PA2G4: variants seen among roughly 807,000 people sequenced by gnomAD.
PA2G4 encodes proliferation-associated 2G4.
Under a neutral mutation model 53.3 loss-of-function variants are expected in PA2G4, and 8 were observed. The observed-to-expected ratio is 0.15, with a 90% CI of 0.09 to 0.27. The LOEUF (loss-of-function observed/expected upper bound fraction) is 0.27. PA2G4 is among the 10% of genes least tolerant of loss of function. The pLI, the probability that PA2G4 is intolerant of heterozygous loss-of-function variation, is 1.00. For synonymous variants in PA2G4, 143 were observed against 169.8 expected, an observed-to-expected ratio of 0.84 and a Z score of 1.23; for missense variants, 208 against 486.8, an observed-to-expected ratio of 0.43 and a Z score of 5.39.
chr12:56,110,359 CAAAA>C, intron 7 of PA2G4, 36 bp from the exon 8 acceptor site: 13 of 1,087,908 alleles, frequency 1.2e-5, no homozygotes, highest in South Asian at 1.3e-5. Flanking sequence ...GACTCTGTGT[CAAAA>C]AAAAAAAAAA....
At chr12:56,112,179 G>A (rs761549077) in intron 12 of PA2G4, among the ~76,000 whole-genome samples, 1 of 152,094 alleles carries the variant, frequency 6.6e-6, no homozygotes, top group Non-Finnish European at 1.5e-5. Context: ...ATAGCTCACT[G>A]TATCCTCAAA....
intron 12 of PA2G4, among the ~76,000 whole-genome samples, chr12:56,112,247 C>T (rs112459410): frequency 3.7e-4 from 56 of 152,326 alleles, no homozygotes; most frequent in African/African-American, 1.3e-3. Context: ...CACCACCATG[C>T]CTGGCTCAAA....
At chr12:56,107,328 C>T in intron 4 of PA2G4, 72 bp downstream of exon 4, 1 of 1,243,944 alleles carries the variant, frequency 8.0e-7, no homozygotes, top group Non-Finnish European at 1.2e-6. Flanking sequence ...CTTCTTATCC[C>T]CACCCCCAAT....
In PA2G4 at chr12:56,113,707, C is replaced by A. The variant is rs79005435; in HGVS notation, c.*819C>A. ...TGAAAGAAAAACCAAGAACCAGAGG[C>A]GTAGACTGACTGAAGACACAACTCC... On this transcript the variant is annotated 3_prime_UTR_variant, in exon 13 of 13. Coordinates refer to ENST00000303305, the MANE Select transcript of PA2G4 (RefSeq NM_006191.3). 643 of 635,178 alleles carry A rather than the reference C, an allele frequency of 1.0e-3. 10 individuals are homozygous for A. In the East Asian group the frequency reaches 0.013, roughly 13 times the overall value. The allele number at this position is 635,178 out of a possible 1,614,324, so 39.3% of individuals were successfully genotyped here.
rs760649436 is a variant in PA2G4 at position 56,104,561 on chromosome 12, C to T, written c.-177C>T. The T allele has an allele frequency of 1.2e-5, 9 of 739,650 alleles. 1 individual carries two copies. The highest frequency in any genetic ancestry group is 1.1e-4 in the South Asian group (8 of 70,134). The allele number at this position is 739,650 out of a possible 1,614,324, so 45.8% of individuals were successfully genotyped here. A position where few individuals can be genotyped will look rare whatever the true frequency, so the allele number is the denominator to read the frequency against. On this transcript the variant is annotated 5_prime_UTR_variant, in exon 1 of 13. Coordinates refer to ENST00000303305, the MANE Select transcript of PA2G4 (RefSeq NM_006191.3). ...TGTCCCAGCGTGCCCTGCGCCTCAG[C>T]CCGCGCGCTCGCAGCTTCTCGCTCT... is the stretch of plus-strand genomic sequence containing the variant.
At position 56,104,701 on chromosome 12, in the gene PA2G4, T is replaced by G. The variant is rs779325177; in HGVS notation, c.-37T>G. ...GAAGGGAGACAGAGGCGGCGGCGGC[T>G]CAGGGGAAACGAGGCTGCAGTGGTG... On this transcript the variant is annotated 5_prime_UTR_variant, in exon 1 of 13. Transcript: ENST00000303305. 5 of 1,579,758 alleles carry G rather than the reference T, an allele frequency of 3.2e-6. No homozygotes were observed. The South Asian group carries it at 5.5e-5, about 17-fold the overall frequency.
chr12:56,107,887 G>T (rs1400554607), intron 5 of PA2G4, among the ~76,000 whole-genome samples: 2 of 151,934 alleles, frequency 1.3e-5, no homozygotes. Context: ...AAATTAGCTG[G>T]GCGTGGTAAC....
At chr12:56,108,339 A>T (rs1047613605) in intron 5 of PA2G4, among the ~76,000 whole-genome samples, 1 of 152,210 alleles carries the variant, frequency 6.6e-6, no homozygotes, top group Non-Finnish European at 1.5e-5. Flanking sequence ...TGTCTTCTAG[A>T]TTGGGATATA....
rs760050022 is a variant in PA2G4, at chr12:56,106,598, G to A, written c.99G>A (p.Arg33=). The stretch of plus-strand genomic sequence containing the variant: ...GGATTCTGTCCTCAGGGGTACTTCG[G>A]TCCTTGGTGGAAGCATCTAGCTCAG... The part of the protein sequence containing the change: ...MGGDIANRVL[R]SLVEASSSGV... The change falls in exon 2 of 13, where the codon CGG becomes CGA. Residue 33 remains arginine, a synonymous_variant. Transcript: ENST00000303305. 3.8e-6 allele frequency: 6 copies of A among 1,579,898 alleles called. No homozygotes were observed. Among genetic ancestry groups the A allele is most frequent in the African/African-American group, 1.4e-5 (1 of 72,670 alleles).
Position 56,104,734 on chromosome 12 carries a change from G to C in PA2G4, c.-4G>C. On this transcript the variant is annotated 5_prime_UTR_variant, in exon 1 of 13. Coordinates refer to ENST00000303305, the MANE Select transcript of PA2G4 (RefSeq NM_006191.3). ...AACGAGGCTGCAGTGGTGGTAGTAG[G>C]AAGATGTCGGGCGAGGACGAGCAAC... The C allele has an allele frequency of 3.7e-6, 6 of 1,613,672 alleles. No homozygotes were observed. Among genetic ancestry groups the C allele is most frequent in the Non-Finnish European group, 5.1e-6 (6 of 1,179,764 alleles).
intron 12 of PA2G4, among the ~76,000 whole-genome samples, chr12:56,112,200 G>A (rs999221314): frequency 1.3e-5 from 2 of 152,302 alleles, no homozygotes; most frequent in Non-Finnish European, 2.9e-5. Flanking sequence ...CTCCTCCTGG[G>A]TTCAAGTGAT....
At chr12:56,107,334 C>A (rs889762248) in intron 4 of PA2G4, 78 bp downstream of exon 4, 40 of 1,179,890 alleles carry the variant, frequency 3.4e-5, no homozygotes, top group Non-Finnish European at 4.6e-5. Flanking sequence ...ATCCCCACCC[C>A]CAATCACCAC....
At position 56,112,979 on chromosome 12, in the gene PA2G4, G is replaced by C. The variant is rs946399795; in HGVS notation, c.*91G>C. On this transcript the variant is annotated 3_prime_UTR_variant, in exon 13 of 13. Transcript: ENST00000303305. ...GTGAAGTGCAGTTCTTCTCCACCTA[G>C]GACCGCCAGCAGAGCGGGGGGATCT... 1.7e-5 allele frequency: 14 copies of C among 834,998 alleles called. No individual in the cohort carries two copies. In the Admixed American group the frequency reaches 2.1e-4, roughly 12 times the overall value. 51.7% of individuals were successfully genotyped at this position (834,998 alleles called of 1,614,324 possible).
At chr12:56,108,816 C>A (rs182093449) in intron 5 of PA2G4, among the ~76,000 whole-genome samples, 1 of 152,226 alleles carries the variant, frequency 6.6e-6, no homozygotes, top group East Asian at 1.9e-4. Flanking sequence ...ATCATTGGGG[C>A]TTGATGGAGG....
rs1869477097 is a variant in PA2G4, at chr12:56,113,569, T to A, written c.*681T>A. 1 of 427,860 alleles carries A rather than the reference T, an allele frequency of 2.3e-6. No individual in the cohort carries two copies. The highest frequency in any genetic ancestry group is 2.0e-5 in the African/African-American group (1 of 49,728). 26.5% of individuals were successfully genotyped at this position (427,860 alleles called of 1,614,324 possible). ...GTAAAGAAATAATCCATCTCAACCT[T>A]ACCCTTTTTCTCTGGAGTCAGTGGG... On this transcript the variant is annotated 3_prime_UTR_variant, in exon 13 of 13. Transcript: ENST00000303305.
intron 9 of PA2G4, 42 bp from the exon 10 acceptor site, chr12:56,110,922 T>C: frequency 2.6e-6 from 4 of 1,555,230 alleles, no homozygotes; most frequent in Non-Finnish European, 3.5e-6. Flanking sequence ...TAAGACTTGA[T>C]GGGGAGTTAA....
At chr12:56,108,151 C>T (rs1478769445) in intron 5 of PA2G4, among the ~76,000 whole-genome samples, 1 of 152,198 alleles carries the variant, frequency 6.6e-6, no homozygotes, top group East Asian at 1.9e-4. Flanking sequence ...GTAATCCCAG[C>T]ACTTTGGGAG....
intron 9 of PA2G4, 108 bp downstream of exon 9, chr12:56,110,800 C>A: frequency 1.4e-6 from 2 of 1,380,650 alleles, no homozygotes; most frequent in Non-Finnish European, 2.0e-6. Flanking sequence ...CATGTGCTCA[C>A]TCCCTCCCTC....
intron 12 of PA2G4, 65 bp downstream of exon 12, chr12:56,111,594 T>G: frequency 7.1e-7 from 1 of 1,407,804 alleles, no homozygotes; most frequent in Non-Finnish European, 1.0e-6. Context: ...CCCACTGTGT[T>G]AAGTTGTAGT....
Sources: gnomAD v4.1 joint callset for allele counts (sites outside exome capture counted in the v4.1 genomes callset) on GRCh38, gnomAD v4.1.1 for gene constraint, MANE v1.5 for transcripts, NCBI Gene and HGNC (gene_info 2026-07-23, HGNC 2026-07-21) for gene names.